DLG2: variants seen among roughly 807,000 people sequenced by gnomAD.
The protein encoded by DLG2 is disks large homolog 2.
A neutral mutation model predicts 132.5 loss-of-function variants in DLG2; 45 were observed. That is an observed-to-expected ratio of 0.34 (90% CI 0.27 to 0.44). The LOEUF (loss-of-function observed/expected upper bound fraction) is 0.44, where lower values mean the gene tolerates loss of function less well. Ranked by LOEUF, DLG2 falls within the 20% of genes least tolerant of loss-of-function variation. The pLI, the probability that DLG2 is intolerant of heterozygous loss-of-function variation, is 1.00. For synonymous variants in DLG2, 424 were observed against 419.6 expected (o/e 1.01, Z -0.13); for missense variants, 1,045 against 1,196.9 (o/e 0.87, Z 1.87).
chr11:83,764,346 A>C (rs139200200), intron 18 of DLG2, among the ~76,000 whole-genome samples: 1 of 152,292 alleles, frequency 6.6e-6, no homozygotes, highest in Non-Finnish European at 1.5e-5. Flanking sequence ...ATAGACATTC[A>C]ATATATGGTT....
intron 6 of DLG2, among the ~76,000 whole-genome samples, chr11:85,072,188 A>G (rs1456662050): frequency 2.0e-5 from 3 of 151,846 alleles, no homozygotes; most frequent in Non-Finnish European, 2.9e-5. Flanking sequence ...ACAATAGGCC[A>G]TCTTATTTAC....
chr11:85,412,633 C>A (rs961168317), intron 3 of DLG2, among the ~76,000 whole-genome samples: 1 of 151,026 alleles, frequency 6.6e-6, no homozygotes, highest in African/African-American at 2.4e-5. Context: ...GTTTTTCATT[C>A]TATGTAATTT....
chr11:84,614,083 G>A (rs2099600024), intron 6 of DLG2, among the ~76,000 whole-genome samples: 1 of 152,150 alleles, frequency 6.6e-6, no homozygotes, highest in Admixed American at 6.6e-5. Context: ...CTAGCACTGT[G>A]TATTATTCAA....
At chr11:83,767,831 A>C (rs1201551601) in intron 18 of DLG2, among the ~76,000 whole-genome samples, 1 of 152,176 alleles carries the variant, frequency 6.6e-6, no homozygotes, top group Admixed American at 6.5e-5. Flanking sequence ...TAACTTGTCC[A>C]TCAAAATTAC....
At chr11:84,031,360 G>A (rs1181490788) in intron 11 of DLG2, among the ~76,000 whole-genome samples, 3 of 152,012 alleles carry the variant, frequency 2.0e-5, no homozygotes, top group Non-Finnish European at 2.9e-5. Flanking sequence ...TACATTTTAA[G>A]TCAAATAAGG....
intron 15 of DLG2, among the ~76,000 whole-genome samples, chr11:83,908,896 C>A (rs1054429989): frequency 1.1e-4 from 17 of 152,058 alleles, no homozygotes; most frequent in African/African-American, 4.1e-4. Flanking sequence ...AGCATGCCTG[C>A]CTATTTAAAA....
chr11:84,972,934 A>T (rs1456472812), intron 6 of DLG2, among the ~76,000 whole-genome samples: 1 of 148,638 alleles, frequency 6.7e-6, no homozygotes, highest in East Asian at 2.0e-4. Context: ...GGCCAATCTA[A>T]GCCTCAGTTT....
intron 3 of DLG2, among the ~76,000 whole-genome samples, chr11:85,323,440 T>C (rs1369630669): frequency 6.6e-6 from 1 of 152,354 alleles, no homozygotes; most frequent in Non-Finnish European, 1.5e-5. Flanking sequence ...GAGTGTGCAA[T>C]GATCAAATAA....
intron 6 of DLG2, among the ~76,000 whole-genome samples, chr11:84,993,349 T>G (rs2057325558): frequency 6.6e-6 from 1 of 152,076 alleles, no homozygotes; most frequent in South Asian, 2.1e-4. Context: ...TGATAGGTGC[T>G]GGGGTTCAAT....
intron 3 of DLG2, among the ~76,000 whole-genome samples, chr11:85,543,184 T>C (rs2076086675): frequency 6.6e-6 from 1 of 152,178 alleles, no homozygotes; most frequent in Admixed American, 6.5e-5. Flanking sequence ...CCCCTCCCTG[T>C]GCCCATTTGT....
At chr11:84,745,105 A>C (rs1019208754) in intron 6 of DLG2, among the ~76,000 whole-genome samples, 1 of 152,054 alleles carries the variant, frequency 6.6e-6, no homozygotes, top group African/African-American at 2.4e-5. Context: ...ATCCATGAAA[A>C]AGAGGGGCTC....
intron 6 of DLG2, among the ~76,000 whole-genome samples, chr11:84,603,053 G>A (rs1408293399): frequency 3.3e-5 from 5 of 152,034 alleles, no homozygotes; most frequent in Non-Finnish European, 7.4e-5. Context: ...ACTGAAAAAT[G>A]AATAGCTAGC....
At chr11:83,797,891 T>C (rs1437050446) in intron 17 of DLG2, among the ~76,000 whole-genome samples, 1 of 152,190 alleles carries the variant, frequency 6.6e-6, no homozygotes, top group Non-Finnish European at 1.5e-5. Context: ...CATTTTAGTA[T>C]ATTTGACCAT....
intron 7 of DLG2, among the ~76,000 whole-genome samples, chr11:84,307,778 T>G (rs1599561663): frequency 6.6e-6 from 1 of 151,278 alleles, no homozygotes; most frequent in Non-Finnish European, 1.5e-5. Flanking sequence ...TGGAGTTTGT[T>G]CCTTCTGATG....
At chr11:83,547,969 C>T (rs1466758131) in intron 19 of DLG2, among the ~76,000 whole-genome samples, 1 of 152,056 alleles carries the variant, frequency 6.6e-6, no homozygotes, top group Non-Finnish European at 1.5e-5. Context: ...TGCAGAAATA[C>T]AGACTTTAAG....
intron 17 of DLG2, among the ~76,000 whole-genome samples, chr11:83,826,758 G>A (rs2052920277): frequency 1.3e-5 from 2 of 152,280 alleles, no homozygotes; most frequent in Admixed American, 6.5e-5. Context: ...TTCCTGAAGG[G>A]AGAGTAGTGG....
chr11:84,957,160 A>C (rs1425262605), intron 6 of DLG2, among the ~76,000 whole-genome samples: 1 of 152,284 alleles, frequency 6.6e-6, no homozygotes, highest in Non-Finnish European at 1.5e-5. Context: ...AAAATGGTTA[A>C]GTACCTGCCC....
intron 3 of DLG2, among the ~76,000 whole-genome samples, chr11:85,413,199 T>C (rs771505149): frequency 1.3e-5 from 2 of 152,052 alleles, no homozygotes; most frequent in Middle Eastern, 3.2e-3. Context: ...GTTGGCCATT[T>C]GTATATCTTC....
chr11:83,633,227 G>A lies in DLG2; in HGVS notation c.1924C>T (p.Arg642Cys). The change falls in exon 19 of 28, where the codon CGC becomes TGC. Residue 642 changes from arginine to cysteine, a missense_variant. Coordinates refer to ENST00000376104, the MANE Select transcript of DLG2 (RefSeq NM_001142699.3). ...GSGSLRTNQK[R>C]SLYVRAMFDY... ...TTTGCCTACCTGACGTAGAGGGAGC[G>A]TTTCTGATTGGTTCGCAGGGATCCG... is the stretch of plus-strand genomic sequence containing the variant. The A allele has an allele frequency of 1.2e-6, 2 of 1,613,622 alleles. No homozygotes were observed. Among genetic ancestry groups the A allele is most frequent in the Non-Finnish European group, 8.5e-7 (1 of 1,179,686 alleles).
Sources: allele counts gnomAD v4.1 joint callset (sites outside exome capture counted in the v4.1 genomes callset), GRCh38; gene constraint gnomAD v4.1.1; transcripts MANE v1.5; gene names NCBI Gene and HGNC (gene_info 2026-07-23, HGNC 2026-07-21).